Variants in MEGF11 observed in about 807,000 individuals in gnomAD.
The protein encoded by MEGF11 is multiple EGF like domains 11, also known as multiple epidermal growth factor-like domains protein 11.
In MEGF11, 126 loss-of-function variants were observed where a neutral mutation model predicts 146.6. The ratio of observed to expected loss-of-function variants is 0.86; its 90% confidence interval spans 0.74 to 1.00. The LOEUF is 1.00. Ranked by LOEUF, MEGF11 falls within the 50% of genes least tolerant of loss-of-function variation. MEGF11 has a pLI of 0.00. For synonymous variants in MEGF11, 532 were observed against 583.4 expected, an observed-to-expected ratio of 0.91 and a Z score of 1.27; for missense variants, 1,509 against 1,521.2, an observed-to-expected ratio of 0.99 and a Z score of 0.13.
chr15:65,913,631 T>G, intron 20 of MEGF11, 106 bp downstream of exon 20: 4 of 973,462 alleles, frequency 4.1e-6, no homozygotes, highest in Non-Finnish European at 6.3e-6. Context: ...TAGGGGAGAC[T>G]GAGCTTCCAC....
chr15:66,167,969 C>G (rs1210573071), intron 1 of MEGF11, among the ~76,000 whole-genome samples: 1 of 152,210 alleles, frequency 6.6e-6, no homozygotes, highest in African/African-American at 2.4e-5. Flanking sequence ...TCTGCAGCAG[C>G]CTCCAAGATG....
chr15:66,077,333 T>G (rs2085634231), intron 5 of MEGF11, among the ~76,000 whole-genome samples: 1 of 152,192 alleles, frequency 6.6e-6, no homozygotes, highest in Non-Finnish European at 1.5e-5. Flanking sequence ...TTTAGCATCT[T>G]TCCGATCTCT....
chr15:66,186,592 C>T (rs1016050200), intron 1 of MEGF11, among the ~76,000 whole-genome samples: 7 of 152,212 alleles, frequency 4.6e-5, no homozygotes, highest in African/African-American at 1.7e-4. Context: ...GGAGCACTCC[C>T]TGTCTCCATC....
intron 1 of MEGF11, among the ~76,000 whole-genome samples, chr15:66,234,671 AC>A (rs2092051822): frequency 6.6e-6 from 1 of 152,222 alleles, no homozygotes. Flanking sequence ...CAGATGTCCT[AC>A]AATGGAGGGA....
At position 65,915,456 on chromosome 15, in the gene MEGF11, C is replaced by T. The variant is rs1251920922; in HGVS notation, c.2473+14G>A. The stretch of plus-strand genomic sequence containing the variant: ...CTTTCCACAGACCCCGGGGCTCTGC[C>T]ACGTGTGTATTACCTTGGTCACACC... On this transcript the variant is annotated intron_variant, in intron 19 of 25. Coordinates refer to ENST00000395614, the MANE Select transcript of MEGF11 (RefSeq NM_001385028.1). The T allele has an allele frequency of 4.3e-6, 7 of 1,612,948 alleles. No individual in the cohort carries two copies. The highest frequency in any genetic ancestry group is 2.7e-5 in the African/African-American group (2 of 74,912).
At chr15:65,980,288 G>C (rs1201067371) in intron 7 of MEGF11, among the ~76,000 whole-genome samples, 1 of 152,112 alleles carries the variant, frequency 6.6e-6, no homozygotes, top group Non-Finnish European at 1.5e-5. Flanking sequence ...CTTAGAGATG[G>C]CAGACCTGGG....
At chr15:66,046,434 AC>A in intron 5 of MEGF11, among the ~76,000 whole-genome samples, 1 of 152,272 alleles carries the variant, frequency 6.6e-6, no homozygotes, top group South Asian at 2.1e-4. Context: ...ACCTCACGGG[AC>A]GTGGTGGTCA....
chr15:66,136,987 C>T (rs1438096898), intron 1 of MEGF11, among the ~76,000 whole-genome samples: 3 of 152,126 alleles, frequency 2.0e-5, no homozygotes, highest in Non-Finnish European at 4.4e-5. Context: ...GAGACGTGAG[C>T]ATCCTCTCCA....
intron 4 of MEGF11, among the ~76,000 whole-genome samples, chr15:66,094,922 C>T (rs894482764): frequency 1.3e-5 from 2 of 152,176 alleles, no homozygotes; most frequent in East Asian, 1.9e-4. Flanking sequence ...AATGTATCAG[C>T]CTGCCTGAAA....
intron 1 of MEGF11, among the ~76,000 whole-genome samples, chr15:66,179,291 C>T (rs1230735557): frequency 6.6e-6 from 1 of 152,184 alleles, no homozygotes; most frequent in Non-Finnish European, 1.5e-5. Context: ...CGCCCCCACA[C>T]CCAGCTAATT....
chr15:66,087,107 T>C (rs2086141455), intron 5 of MEGF11, among the ~76,000 whole-genome samples: 2 of 152,184 alleles, frequency 1.3e-5, no homozygotes, highest in South Asian at 4.1e-4. Context: ...AAAGGCCTTG[T>C]CCAACAGGAA....
intron 21 of MEGF11, among the ~76,000 whole-genome samples, chr15:65,911,144 G>C (rs1033649045): frequency 6.6e-6 from 1 of 152,234 alleles, no homozygotes; most frequent in African/African-American, 2.4e-5. Flanking sequence ...GTCAGGGAAG[G>C]TCCTGTCCAG....
At chr15:66,220,535 T>G (rs2091708451) in intron 1 of MEGF11, among the ~76,000 whole-genome samples, 2 of 150,372 alleles carry the variant, frequency 1.3e-5, no homozygotes, top group East Asian at 2.0e-4. Context: ...GGTTTTTTTT[T>G]TTTTTTTTTT....
chr15:66,013,743 A>G (rs961174087), intron 5 of MEGF11, among the ~76,000 whole-genome samples: 5 of 152,232 alleles, frequency 3.3e-5, no homozygotes, highest in Admixed American at 3.3e-4. Context: ...TCTCATGACA[A>G]TGCAGAGGGG....
chr15:66,039,279 G>A (rs1466843725), intron 5 of MEGF11, among the ~76,000 whole-genome samples: 14 of 152,138 alleles, frequency 9.2e-5, no homozygotes, highest in African/African-American at 2.4e-4. Context: ...ATGGAACTGC[G>A]GTGACCCCAC....
In MEGF11 at chr15:66,127,850, C is replaced by G. The variant is rs552336251; in HGVS notation, c.98+456G>C. ...CTGGAAGTAGTGGGACCCCCTCACC[C>G]GTCCTCCTCAGGGCAGGCTGCTGGG... On this transcript the variant is annotated intron_variant, in intron 2 of 25. Transcript: ENST00000395614. Among the ~76,000 whole-genome samples, 13 of 137,318 alleles carry G rather than the reference C, an allele frequency of 9.5e-5. No homozygotes were observed. In the South Asian group the frequency reaches 2.4e-3, roughly 25 times the overall value. The allele number at this position is 137,318 out of a possible 152,430, so 90.1% of individuals were successfully genotyped here.
At chr15:65,934,045 A>C (rs73479390) in intron 10 of MEGF11, among the ~76,000 whole-genome samples, 10,225 of 152,102 alleles carry the variant, frequency 0.067, 443 homozygotes, top group Non-Finnish European at 0.093. Context: ...GTTCCCCCTC[A>C]CAGCTGACAC....
intron 5 of MEGF11, among the ~76,000 whole-genome samples, chr15:66,016,681 T>A (rs1229399204): frequency 6.6e-6 from 1 of 152,206 alleles, no homozygotes. Flanking sequence ...TTATTATTTG[T>A]AAAGGCCTTA....
intron 1 of MEGF11, among the ~76,000 whole-genome samples, chr15:66,206,005 A>T (rs1381255439): frequency 6.6e-6 from 1 of 152,268 alleles, no homozygotes; most frequent in African/African-American, 2.4e-5. Context: ...TCTGACAAAG[A>T]TTTCAAAGCA....
Sources: gnomAD v4.1 joint callset for allele counts (sites outside exome capture counted in the v4.1 genomes callset) on GRCh38, gnomAD v4.1.1 for gene constraint, MANE v1.5 for transcripts, NCBI Gene and HGNC (gene_info 2026-07-23, HGNC 2026-07-21) for gene names.